The following GCNA variants were observed in gnomAD, a reference collection of about 807,000 sequenced individuals.
GCNA encodes the protein germ cell nuclear acidic peptidase.
Under a neutral mutation model 38.8 loss-of-function variants are expected in GCNA, and 3 were observed. The ratio of observed to expected loss-of-function variants is 0.08; its 90% CI spans 0.04 to 0.20. The LOEUF is 0.20. Among genes scored for constraint, GCNA ranks in the 10% least tolerant of loss-of-function variants. The probability of loss-of-function intolerance (pLI) is 1.00; values close to 1 mark genes in which losing one functional copy is unlikely to be tolerated. For synonymous variants in GCNA, 195 were observed against 240.2 expected (o/e 0.81, Z 1.74); for missense variants, 446 against 578.6 (o/e 0.77, Z 2.35).
At chrX:71,590,831 C>T (rs965754154) in intron 2 of GCNA, among the ~76,000 whole-genome samples, 2 of 109,736 alleles carry the variant, frequency 1.8e-5, no homozygotes, top group Admixed American at 9.8e-5. Context: ...TACAGGCGCC[C>T]GCCAACAGGC....
intron 9 of GCNA, among the ~76,000 whole-genome samples, chrX:71,607,105 T>G (rs778733254): frequency 8.0e-5 from 9 of 111,845 alleles, no homozygotes; most frequent in Non-Finnish European, 1.1e-4. Flanking sequence ...GCCACAGGCC[T>G]TGAGGTGAAA....
chrX:71,587,939 G>A (rs974075722), intron 2 of GCNA, among the ~76,000 whole-genome samples: 19 of 111,196 alleles, frequency 1.7e-4, no homozygotes, highest in African/African-American at 5.9e-4. Flanking sequence ...ACAGGTGTGC[G>A]CCACCATGCC....
At chrX:71,593,435 T>G (rs986553229) in intron 4 of GCNA, among the ~76,000 whole-genome samples, 11 of 111,749 alleles carry the variant, frequency 9.8e-5, no homozygotes, top group Non-Finnish European at 1.9e-4. Flanking sequence ...CCGGCTGCTG[T>G]CTGGCGAGCT....
chrX:71,605,131 G>T (rs2040758613), intron 8 of GCNA, among the ~76,000 whole-genome samples: 1 of 111,899 alleles, frequency 8.9e-6, no homozygotes, highest in African/African-American at 3.2e-5. Context: ...TTCGTGGGAG[G>T]ACTCTTCCTC....
chrX:71,605,642 T>C, intron 8 of GCNA, 21 bp from the exon 9 acceptor site: 2 of 1,195,036 alleles, frequency 1.7e-6, no homozygotes, highest in Non-Finnish European at 2.3e-6. Context: ...AAGTAACCTA[T>C]TATTTTTTCA....
At chrX:71,600,766 T>C (rs1473703791) in intron 7 of GCNA, among the ~76,000 whole-genome samples, 1 of 112,440 alleles carries the variant, frequency 8.9e-6, no homozygotes, top group East Asian at 2.8e-4. Flanking sequence ...CAATGTGTAA[T>C]AATCACATCA....
At chrX:71,589,881 T>C (rs1371867227) in intron 2 of GCNA, among the ~76,000 whole-genome samples, 1 of 110,576 alleles carries the variant, frequency 9.0e-6, no homozygotes, top group African/African-American at 3.3e-5. Context: ...GGCACTATCA[T>C]GGCTCACTGC....
At chrX:71,588,391 AG>A (rs1233719633) in intron 2 of GCNA, among the ~76,000 whole-genome samples, 1 of 112,199 alleles carries the variant, frequency 8.9e-6, no homozygotes, top group East Asian at 2.8e-4. Context: ...AAAAAGTGAA[AG>A]TCTGCCTTCA....
intron 1 of GCNA, among the ~76,000 whole-genome samples, chrX:71,578,909 G>A (rs1273600849): frequency 9.3e-6 from 1 of 107,800 alleles, no homozygotes; most frequent in Non-Finnish European, 1.9e-5. Context: ...GCCAGTGGCG[G>A]GTGGAGAGAA....
At chrX:71,611,625 T>C (rs909901329) in intron 11 of GCNA, among the ~76,000 whole-genome samples, 5 of 111,478 alleles carry the variant, frequency 4.5e-5, no homozygotes, top group Non-Finnish European at 9.4e-5. Flanking sequence ...ATTCAATCAA[T>C]TAGTAAGAAC....
At chrX:71,595,175 C>T (rs2040661570) in intron 6 of GCNA, among the ~76,000 whole-genome samples, 2 of 111,971 alleles carry the variant, frequency 1.8e-5, no homozygotes, top group Non-Finnish European at 3.8e-5. Flanking sequence ...CGGCTCACTG[C>T]AGCCTCCGCC....
chrX:71,588,249 A>T (rs1480498506), intron 2 of GCNA, among the ~76,000 whole-genome samples: 1 of 111,711 alleles, frequency 9.0e-6, no homozygotes, highest in Non-Finnish European at 1.9e-5. Context: ...TAGATGCTCG[A>T]TAAATGTCTA....
intron 7 of GCNA, among the ~76,000 whole-genome samples, chrX:71,599,822 C>A (rs2040699327): frequency 8.9e-6 from 1 of 111,928 alleles, no homozygotes; most frequent in Non-Finnish European, 1.9e-5. Context: ...CTGCAGGTGG[C>A]AAATCTTTTA....
intron 11 of GCNA, among the ~76,000 whole-genome samples, chrX:71,612,038 C>T (rs1038114916): frequency 1.9e-5 from 2 of 106,628 alleles, no homozygotes; most frequent in Admixed American, 2.0e-4. Context: ...TTAGGGAGGC[C>T]GAGGTGGGTG....
chrX:71,579,381 T>C (rs1167450778), intron 1 of GCNA, among the ~76,000 whole-genome samples: 2 of 50,351 alleles, frequency 4.0e-5, no homozygotes, highest in Non-Finnish European at 7.4e-5. Context: ...GGTGGCCGCA[T>C]TGAAGGTGGG....
intron 7 of GCNA, 135 bp downstream of exon 7, chrX:71,598,173 A>G: frequency 2.1e-6 from 1 of 465,554 alleles, no homozygotes. Flanking sequence ...CTTTCCTCGT[A>G]TGTGCTGGCT....
intron 1 of GCNA, among the ~76,000 whole-genome samples, chrX:71,579,079 T>C (rs1173492301): frequency 1.0e-5 from 1 of 99,201 alleles, no homozygotes; most frequent in Non-Finnish European, 2.0e-5. Context: ...GTGGGAGCGC[T>C]GGTGGTGGCG....
intron 2 of GCNA, among the ~76,000 whole-genome samples, chrX:71,585,757 T>C (rs745323239): frequency 2.8e-5 from 3 of 106,186 alleles, no homozygotes; most frequent in South Asian, 4.4e-4. Flanking sequence ...ATATGTGTAA[T>C]TACATTTTTA....
At chrX:71,578,939 C>T (rs772217471) in intron 1 of GCNA, among the ~76,000 whole-genome samples, 11 of 53,326 alleles carry the variant, frequency 2.1e-4, no homozygotes, top group Non-Finnish European at 3.8e-4. Flanking sequence ...CCAGTGGCGG[C>T]GTTGGGGGAA....
Sources: gnomAD v4.1 joint callset for allele counts (sites outside exome capture counted in the v4.1 genomes callset) on GRCh38, gnomAD v4.1.1 for gene constraint, MANE v1.5 for transcripts, NCBI Gene and HGNC (gene_info 2026-07-23, HGNC 2026-07-21) for gene names.